PCDH15: variants seen among roughly 807,000 people sequenced by gnomAD.
PCDH15 encodes the protein protocadherin-15.
A neutral mutation model predicts 178.5 loss-of-function variants in PCDH15; 129 were observed. The observed-to-expected ratio is 0.72, with a 90% CI of 0.63 to 0.84. PCDH15 has a LOEUF of 0.84. PCDH15 is among the 40% of genes least tolerant of loss of function. The pLI is 0.00. For missense variants in PCDH15, 2,230 were observed against 2,099.9 expected (o/e 1.06, Z -1.21); for synonymous variants, 800 against 732.0 (o/e 1.09, Z -1.50).
At chr10:55,017,594 G>A (rs1376886663) in intron 2 of PCDH15, among the ~76,000 whole-genome samples, 1 of 152,062 alleles carries the variant, frequency 6.6e-6, no homozygotes, top group African/African-American at 2.4e-5. Flanking sequence ...TAAATCACAT[G>A]TATTATTGAA....
intron 2 of PCDH15, among the ~76,000 whole-genome samples, chr10:54,975,059 T>A (rs1274005592): frequency 6.6e-6 from 1 of 152,202 alleles, no homozygotes; most frequent in Non-Finnish European, 1.5e-5. Context: ...TAAAAGTGAC[T>A]AATTTCATCA....
At chr10:54,061,351 T>G (rs765445352) in intron 18 of PCDH15, among the ~76,000 whole-genome samples, 4 of 152,224 alleles carry the variant, frequency 2.6e-5, no homozygotes, top group Non-Finnish European at 4.4e-5. Flanking sequence ...AGTCTTCATA[T>G]CATTCACTAT....
intron 21 of PCDH15, among the ~76,000 whole-genome samples, chr10:53,965,150 C>T (rs1309063323): frequency 2.0e-5 from 3 of 151,592 alleles, no homozygotes; most frequent in East Asian, 3.9e-4. Flanking sequence ...CTCCGCCTCT[C>T]AGGTTCAAGT....
chr10:54,723,936 G>A (rs1942067673), intron 1 of PCDH15, among the ~76,000 whole-genome samples: 1 of 151,678 alleles, frequency 6.6e-6, no homozygotes, highest in Non-Finnish European at 1.5e-5. Flanking sequence ...ATACACTGTT[G>A]GTGAGAATGT....
At chr10:54,263,030 C>A (rs1198792448) in intron 8 of PCDH15, among the ~76,000 whole-genome samples, 1 of 150,128 alleles carries the variant, frequency 6.7e-6, no homozygotes, top group African/African-American at 2.5e-5. Flanking sequence ...GCCTGGAGAT[C>A]CTCTACCCTT....
chr10:54,899,844 G>A (rs1219802022), intron 2 of PCDH15, among the ~76,000 whole-genome samples: 6 of 89,812 alleles, frequency 6.7e-5, no homozygotes, highest in Non-Finnish European at 1.1e-4. Flanking sequence ...TCTAACAAAG[G>A]AATGACATAT....
intron 3 of PCDH15, among the ~76,000 whole-genome samples, chr10:54,470,275 C>T (rs555151537): frequency 1.6e-4 from 24 of 152,132 alleles, no homozygotes; most frequent in Non-Finnish European, 2.9e-4. Flanking sequence ...AGCTATAAAC[C>T]GGGCAGCCTT....
chr10:53,810,752 C>T (rs1285471162), intron 36 of PCDH15, 88 bp from the exon 37 acceptor site: 71 of 1,212,960 alleles, frequency 5.9e-5, no homozygotes, highest in Non-Finnish European at 7.9e-5. Context: ...CTTTTTCTTC[C>T]GCCATTCAAT....
intron 2 of PCDH15, among the ~76,000 whole-genome samples, chr10:54,661,524 T>G (rs1353679430): frequency 6.6e-6 from 1 of 151,602 alleles, no homozygotes; most frequent in South Asian, 2.1e-4. Context: ...AGTACCAAAT[T>G]TATTACTCAT....
Position 53,925,257 on chromosome 10 carries a change from C to T in PCDH15, c.3373+13558G>A, listed in dbSNP as rs75148760. 2.3e-3 allele frequency among the ~76,000 whole-genome samples: 356 copies of T among 152,140 alleles called. 1 individual carries two copies. The highest frequency in any genetic ancestry group is 7.7e-3 in the African/African-American group (319 of 41,500). ...TTCACTCCTGAGGCCAGCGAGACCA[C>T]GAACCCACTGGGTAGAATGAACAAC... On this transcript the variant is annotated intron_variant, in intron 25 of 37. Coordinates refer to ENST00000644397, the MANE Select transcript of PCDH15 (RefSeq NM_001384140.1).
chr10:55,413,236 T>TCACATATTTGTTGAG (rs1293216480), intron 2 of PCDH15, among the ~76,000 whole-genome samples: 1 of 151,796 alleles, frequency 6.6e-6, no homozygotes. Flanking sequence ...ATTCATTTAT[T>TCACATATTTGTTGAG]CACATATTTG....
At chr10:53,970,882 C>T (rs573935945) in intron 21 of PCDH15, among the ~76,000 whole-genome samples, 2 of 152,250 alleles carry the variant, frequency 1.3e-5, no homozygotes, top group East Asian at 3.9e-4. Context: ...TGGTACTATT[C>T]CTTCTGAAGC....
intron 2 of PCDH15, among the ~76,000 whole-genome samples, chr10:54,539,351 T>C (rs11004356): frequency 0.4 from 60,543 of 151,996 alleles, 12,288 homozygotes; most frequent in East Asian, 0.5. Flanking sequence ...ATAAAACAGC[T>C]TTTAAACCAA....
chr10:54,869,004 C>G (rs1324691945), intron 3 of PCDH15: 1 of 151,964 alleles, frequency 6.6e-6, no homozygotes, highest in African/African-American at 2.4e-5. Flanking sequence ...TAAATTGAAG[C>G]TAAGGGTGAA....
At chr10:55,015,833 C>G (rs761771095) in intron 2 of PCDH15, among the ~76,000 whole-genome samples, 4 of 152,008 alleles carry the variant, frequency 2.6e-5, no homozygotes, top group Non-Finnish European at 5.9e-5. Context: ...CTCAACAGTT[C>G]TGTGCACACT....
At chr10:54,168,456 G>C (rs1179157268) in intron 13 of PCDH15, among the ~76,000 whole-genome samples, 2 of 152,002 alleles carry the variant, frequency 1.3e-5, no homozygotes, top group Non-Finnish European at 2.9e-5. Context: ...GGCCGAGCTA[G>C]GTCCCAATTC....
At chr10:55,442,090 A>T (rs1839201034) in intron 2 of PCDH15, among the ~76,000 whole-genome samples, 1 of 152,166 alleles carries the variant, frequency 6.6e-6, no homozygotes, top group African/African-American at 2.4e-5. Flanking sequence ...TGTGAGAACT[A>T]GTAAGTAACT....
In PCDH15 at chr10:54,293,268, A is replaced by T. The variant is rs964844024; in HGVS notation, c.876+24003T>A. ...CTAGGAAAACTGGCTAGCCACATGT[A>T]GAAGGCTGAAACTGGATCCCTTCCT... On this transcript the variant is annotated intron_variant, in intron 8 of 37. Coordinates refer to ENST00000644397, the MANE Select transcript of PCDH15 (RefSeq NM_001384140.1). Among the ~76,000 whole-genome samples, 12 of 152,218 alleles carry T rather than the reference A, an allele frequency of 7.9e-5. 1 individual carries two copies. Among genetic ancestry groups the T allele is most frequent in the Middle Eastern group, 3.2e-3 (1 of 316 alleles).
intron 21 of PCDH15, among the ~76,000 whole-genome samples, chr10:53,963,057 A>T (rs2088536878): frequency 1.3e-5 from 2 of 152,226 alleles, no homozygotes; most frequent in African/African-American, 2.4e-5. Flanking sequence ...GATGAAGAAG[A>T]AGTAAGAACA....
Sources: allele counts gnomAD v4.1 joint callset (sites outside exome capture counted in the v4.1 genomes callset), GRCh38; gene constraint gnomAD v4.1.1; transcripts MANE v1.5; gene names NCBI Gene and HGNC (gene_info 2026-07-23, HGNC 2026-07-21).